CAMTA1: variants seen among roughly 807,000 people sequenced by gnomAD.
CAMTA1 encodes calmodulin binding transcription activator 1, also known as calmodulin-binding transcription activator 1.
A neutral mutation model predicts 170.9 loss-of-function variants in CAMTA1; 27 were observed. The ratio of observed to expected loss-of-function variants is 0.16; its 90% CI spans 0.12 to 0.22. The LOEUF is 0.22. Among genes scored for constraint, CAMTA1 ranks in the 10% least tolerant of loss-of-function variants. The probability of loss-of-function intolerance (pLI) is 1.00; values close to 1 mark genes in which losing one functional copy is unlikely to be tolerated. For synonymous variants in CAMTA1, 833 were observed against 891.5 expected, an observed-to-expected ratio of 0.93 and a Z score of 1.17; for missense variants, 1,619 against 2,217.2, an observed-to-expected ratio of 0.73 and a Z score of 5.42.
At chr1:6,789,446 T>C (rs1243315809) in intron 1 of CAMTA1, among the ~76,000 whole-genome samples, 2 of 152,242 alleles carry the variant, frequency 1.3e-5, no homozygotes, top group Non-Finnish European at 2.9e-5. Flanking sequence ...TTAACGTTTT[T>C]TTCCCCACTG....
chr1:7,440,241 C>A (rs187712355), intron 5 of CAMTA1, among the ~76,000 whole-genome samples: 1 of 152,386 alleles, frequency 6.6e-6, no homozygotes, highest in East Asian at 1.9e-4. Flanking sequence ...GGAGCCGATG[C>A]GGCTTCAATC....
chr1:7,569,359 TCAC>T (rs1396396464), intron 6 of CAMTA1, among the ~76,000 whole-genome samples: 2 of 143,410 alleles, frequency 1.4e-5, no homozygotes, highest in African/African-American at 2.6e-5. Context: ...ACTACCACCA[TCAC>T]CACCACCAAC....
Position 7,592,054 on chromosome 1 carries a change from A to C in CAMTA1, c.511-48346A>C, listed in dbSNP as rs1557969093. ...GCTGGGATTACAGGTGCATGCCACC[A>C]TACCTAGCTAATTTTTATATTTTTA... On this transcript the variant is annotated intron_variant, in intron 6 of 22. Transcript: ENST00000303635. The surrounding 1 kb of genome is among the most constrained non-coding windows in gnomAD (Gnocchi z 4.6). Among the ~76,000 whole-genome samples, 1 of 152,244 alleles carries C rather than the reference A, an allele frequency of 6.6e-6. No individual in the cohort carries two copies.
At chr1:6,858,182 T>G (rs538475890) in intron 3 of CAMTA1, among the ~76,000 whole-genome samples, 10 of 152,322 alleles carry the variant, frequency 6.6e-5, no homozygotes, top group African/African-American at 2.4e-4. Context: ...TACAGTTGTT[T>G]TTGCTTTTAA....
intron 3 of CAMTA1, among the ~76,000 whole-genome samples, chr1:6,908,878 A>G (rs1679121628): frequency 6.6e-6 from 1 of 152,042 alleles, no homozygotes; most frequent in African/African-American, 2.4e-5. Context: ...AGTGTGCAAT[A>G]TTAATTTAGC....
intron 4 of CAMTA1, among the ~76,000 whole-genome samples, chr1:7,107,066 A>G (rs1643659401): frequency 6.6e-6 from 1 of 152,076 alleles, no homozygotes; most frequent in African/African-American, 2.4e-5. Flanking sequence ...ATGCAATTCC[A>G]TAATGTCTAG....
intron 21 of CAMTA1, among the ~76,000 whole-genome samples, chr1:7,754,317 C>G (rs2096917142): frequency 6.6e-6 from 1 of 152,342 alleles, no homozygotes; most frequent in South Asian, 2.1e-4. Context: ...ACCAGAATGT[C>G]TGCAAGTTAA....
At chr1:7,745,687 A>G (rs2096852366) in intron 17 of CAMTA1, among the ~76,000 whole-genome samples, 158 bp from the exon 18 acceptor site, 1 of 152,218 alleles carries the variant, frequency 6.6e-6, no homozygotes, top group African/African-American at 2.4e-5. Flanking sequence ...ATCGAAGGAC[A>G]CTGGGTATGT....
chr1:7,629,034 C>T (rs975107596), intron 6 of CAMTA1, among the ~76,000 whole-genome samples: 11 of 152,176 alleles, frequency 7.2e-5, no homozygotes, highest in African/African-American at 1.7e-4. Context: ...TGTGCCCCTG[C>T]GAAAGGCCCA....
chr1:7,429,653 C>T (rs997291302), intron 5 of CAMTA1, among the ~76,000 whole-genome samples: 6 of 151,898 alleles, frequency 4.0e-5, no homozygotes, highest in African/African-American at 1.5e-4. Flanking sequence ...GATGACAGTG[C>T]TGATAATATG....
chr1:7,745,118 G>A (rs1452514745), intron 17 of CAMTA1, 96 bp downstream of exon 17: 3 of 1,188,216 alleles, frequency 2.5e-6, no homozygotes, highest in Non-Finnish European at 3.6e-6. Context: ...CCGTGTCATA[G>A]AAGACCATAC....
chr1:7,717,079 A>G (rs921620450), intron 11 of CAMTA1, among the ~76,000 whole-genome samples: 7 of 151,822 alleles, frequency 4.6e-5, no homozygotes, highest in Non-Finnish European at 7.4e-5. Flanking sequence ...AGTTGATCTC[A>G]TGGCAGTGGA....
At chr1:6,804,506 GCCT>G (rs895736683) in intron 1 of CAMTA1, among the ~76,000 whole-genome samples, 5 of 151,798 alleles carry the variant, frequency 3.3e-5, no homozygotes, top group Non-Finnish European at 7.4e-5. Context: ...ACTCCCTGTT[GCCT>G]CCTCCTCCCG....
intron 3 of CAMTA1, among the ~76,000 whole-genome samples, chr1:6,926,119 A>G (rs1183645638): frequency 5.3e-5 from 8 of 152,374 alleles, no homozygotes; most frequent in Admixed American, 2.6e-4. Flanking sequence ...GGAGAATGAA[A>G]TAAGTTACTC....
chr1:7,581,073 G>T (rs1345010408), intron 6 of CAMTA1, among the ~76,000 whole-genome samples: 1 of 152,248 alleles, frequency 6.6e-6, no homozygotes, highest in Admixed American at 6.5e-5. Context: ...GGAAGCGTCA[G>T]ATCAGAAAAG....
chr1:6,902,084 T>C (rs28854013), intron 3 of CAMTA1, among the ~76,000 whole-genome samples: 5 of 105,054 alleles, frequency 4.8e-5, no homozygotes, highest in Admixed American at 9.0e-5. Context: ...AAAAAAAAAA[T>C]AAAAATAAAA....
chr1:7,105,134 ATAAT>A (rs1361507655), intron 4 of CAMTA1, among the ~76,000 whole-genome samples: 5 of 152,234 alleles, frequency 3.3e-5, no homozygotes, highest in Admixed American at 6.5e-5. Flanking sequence ...TTTGCATTAA[ATAAT>A]TAATAGTAAA....
intron 3 of CAMTA1, among the ~76,000 whole-genome samples, chr1:6,901,627 A>G (rs1047177793): frequency 6.6e-6 from 1 of 152,232 alleles, no homozygotes; most frequent in African/African-American, 2.4e-5. Flanking sequence ...CAACAGCGTT[A>G]TTCATCATTG....
chr1:6,882,184 T>G (rs1324456405), intron 3 of CAMTA1, among the ~76,000 whole-genome samples: 1 of 152,234 alleles, frequency 6.6e-6, no homozygotes, highest in Non-Finnish European at 1.5e-5. Flanking sequence ...CAAATTTCAG[T>G]GTCCAGTTCC....
Sources: gnomAD v4.1 joint callset for allele counts (sites outside exome capture counted in the v4.1 genomes callset) on GRCh38, gnomAD v4.1.1 for gene constraint, Gnocchi (gnomAD v3.1) non-coding constraint, MANE v1.5 for transcripts, NCBI Gene and HGNC (gene_info 2026-07-23, HGNC 2026-07-21) for gene names.